Variants in PTPRD observed in about 807,000 individuals in gnomAD.
PTPRD encodes protein tyrosine phosphatase receptor type D.
A neutral mutation model predicts 214.5 loss-of-function variants in PTPRD; 34 were observed. The observed-to-expected ratio is 0.16, with a 90% CI of 0.12 to 0.21. PTPRD has a LOEUF of 0.21. Ranked by LOEUF, PTPRD falls within the 10% of genes least tolerant of loss-of-function variation. The pLI is 1.00. For synonymous variants in PTPRD, 1,128 were observed against 845.7 expected (o/e 1.33, Z -5.79); for missense variants, 2,545 against 2,398.7 (o/e 1.06, Z -1.27).
chr9:8,885,900 C>T (rs544377297), intron 11 of PTPRD, among the ~76,000 whole-genome samples: 9 of 152,266 alleles, frequency 5.9e-5, no homozygotes, highest in African/African-American at 1.2e-4. Flanking sequence ...ATTATTTCCA[C>T]GCGCTTAATT....
intron 8 of PTPRD, among the ~76,000 whole-genome samples, chr9:9,410,153 G>C (rs1215298258): frequency 2.0e-5 from 3 of 152,134 alleles, no homozygotes; most frequent in Non-Finnish European, 4.4e-5. Context: ...TTAGATAAGT[G>C]AAGTAGCCTT....
chr9:10,509,251 C>T (rs1004725290), intron 2 of PTPRD, among the ~76,000 whole-genome samples: 1 of 151,780 alleles, frequency 6.6e-6, no homozygotes, highest in African/African-American at 2.4e-5. Flanking sequence ...CTATTTTCCT[C>T]ATTCATCCTT....
chr9:9,818,176 C>A (rs2049389460), intron 5 of PTPRD, among the ~76,000 whole-genome samples: 1 of 152,098 alleles, frequency 6.6e-6, no homozygotes, highest in Admixed American at 6.5e-5. Context: ...TAATGGGACC[C>A]ACACCAACAA....
chr9:9,132,713 T>G (rs1196913420), intron 10 of PTPRD, among the ~76,000 whole-genome samples: 1 of 152,208 alleles, frequency 6.6e-6, no homozygotes, highest in Non-Finnish European at 1.5e-5. Context: ...TATGCAATCA[T>G]AATTAAATGA....
chr9:9,157,753 G>C (rs1446454621), intron 10 of PTPRD, among the ~76,000 whole-genome samples: 2 of 151,998 alleles, frequency 1.3e-5, no homozygotes, highest in Non-Finnish European at 2.9e-5. Flanking sequence ...TACACGTCCA[G>C]GATGTGCAGG....
At chr9:9,611,652 C>T (rs186960941) in intron 7 of PTPRD, among the ~76,000 whole-genome samples, 245 of 152,084 alleles carry the variant, frequency 1.6e-3, no homozygotes, top group African/African-American at 5.4e-3. Context: ...CACACACACA[C>T]CCACGTGTGT....
intron 5 of PTPRD, among the ~76,000 whole-genome samples, chr9:9,865,087 A>G (rs1365557432): frequency 1.3e-5 from 2 of 152,176 alleles, no homozygotes; most frequent in African/African-American, 2.4e-5. Context: ...ACAAATTGCA[A>G]ATCTACTGTT....
chr9:9,295,268 G>C (rs555682116), intron 9 of PTPRD, among the ~76,000 whole-genome samples: 10 of 151,676 alleles, frequency 6.6e-5, no homozygotes, highest in South Asian at 2.1e-4. Context: ...TACAAGGCTG[G>C]AGGTAAAATT....
chr9:10,363,613 A>G (rs980416681), intron 2 of PTPRD, among the ~76,000 whole-genome samples: 1 of 152,222 alleles, frequency 6.6e-6, no homozygotes, highest in African/African-American at 2.4e-5. Flanking sequence ...ACACATATTT[A>G]ACCATTTGAA....
rs188800858 is a variant in PTPRD at position 10,432,020 on chromosome 9, G to T, written c.-599-91003C>A. On this transcript the variant is annotated intron_variant, in intron 2 of 45. Coordinates refer to ENST00000381196, the MANE Select transcript of PTPRD (RefSeq NM_002839.4). ...TTGTGGCATTATTCACAATAGCAAA[G>T]ACTTGAAACCAACCCAAATGTCCAA... Among the ~76,000 whole-genome samples the T allele has an allele frequency of 2.0e-3, 301 of 151,932 alleles. 5 individuals are homozygous for T. Among genetic ancestry groups the T allele is most frequent in the African/African-American group, 6.5e-3 (269 of 41,448 alleles).
intron 8 of PTPRD, among the ~76,000 whole-genome samples, chr9:9,458,332 A>G (rs1313305068): frequency 6.6e-6 from 1 of 152,070 alleles, no homozygotes; most frequent in East Asian, 1.9e-4. Flanking sequence ...TCAAGAAGAA[A>G]TCCAACATTG....
At chr9:9,887,055 T>C (rs971344652) in intron 5 of PTPRD, among the ~76,000 whole-genome samples, 5 of 152,126 alleles carry the variant, frequency 3.3e-5, no homozygotes, top group Non-Finnish European at 5.9e-5. Context: ...TAAGGAAATT[T>C]GTTTTGCAAC....
chr9:10,400,656 C>A (rs73404290), intron 2 of PTPRD, among the ~76,000 whole-genome samples: 2,534 of 151,524 alleles, frequency 0.017, 81 homozygotes, highest in African/African-American at 0.057. Context: ...ATTCCTTGAA[C>A]TAAAATGTCA....
At chr9:9,949,211 A>C (rs541802080) in intron 4 of PTPRD, among the ~76,000 whole-genome samples, 1 of 152,032 alleles carries the variant, frequency 6.6e-6, no homozygotes, top group Non-Finnish European at 1.5e-5. Flanking sequence ...TGAGTTTCTC[A>C]TTTTTTATAT....
intron 7 of PTPRD, among the ~76,000 whole-genome samples, chr9:9,617,500 T>C (rs889202916): frequency 2.6e-5 from 4 of 152,238 alleles, no homozygotes; most frequent in Non-Finnish European, 5.9e-5. Context: ...AATGGAAGTG[T>C]ATGGAAAGGT....
chr9:9,071,996 T>C (rs1046508788), intron 10 of PTPRD, among the ~76,000 whole-genome samples: 1 of 152,148 alleles, frequency 6.6e-6, no homozygotes, highest in Non-Finnish European at 1.5e-5. Context: ...TCCTCATCAC[T>C]GCACAGTCAT....
At chr9:10,028,091 G>A (rs1426188375) in intron 4 of PTPRD, among the ~76,000 whole-genome samples, 1 of 152,050 alleles carries the variant, frequency 6.6e-6, no homozygotes, top group Non-Finnish European at 1.5e-5. Flanking sequence ...TCATGAGGGC[G>A]GGTCTTTCTT....
At chr9:9,535,702 T>C (rs2076368658) in intron 8 of PTPRD, among the ~76,000 whole-genome samples, 1 of 152,038 alleles carries the variant, frequency 6.6e-6, no homozygotes. Flanking sequence ...TGAGCAGAAA[T>C]GTGAGCTCAC....
At chr9:8,485,449 T>C (rs143353943) in intron 28 of PTPRD, 125 bp from the exon 29 acceptor site, 1 of 689,006 alleles carries the variant, frequency 1.5e-6, no homozygotes, top group African/African-American at 1.8e-5. Flanking sequence ...GAAGTATGAT[T>C]TTCCTACCTG....
Sources: allele counts gnomAD v4.1 joint callset (sites outside exome capture counted in the v4.1 genomes callset), GRCh38; gene constraint gnomAD v4.1.1; transcripts MANE v1.5; gene names NCBI Gene and HGNC (gene_info 2026-07-23, HGNC 2026-07-21).